The following GRID2 variants were observed in gnomAD, a reference collection of about 807,000 sequenced individuals.
GRID2 encodes glutamate receptor ionotropic, delta-2.
Under a neutral mutation model 114.8 loss-of-function variants are expected in GRID2, and 33 were observed. That is an observed-to-expected ratio of 0.29 (90% CI 0.22 to 0.38). The LOEUF is 0.38. Ranked by LOEUF, GRID2 falls within the 10% of genes least tolerant of loss-of-function variation. The probability of loss-of-function intolerance (pLI) is 1.00; values close to 1 mark genes in which losing one functional copy is unlikely to be tolerated. For missense variants in GRID2, 1,184 were observed against 1,257.7 expected, an observed-to-expected ratio of 0.94 and a Z score of 0.89; for synonymous variants, 505 against 449.9, an observed-to-expected ratio of 1.12 and a Z score of -1.55.
chr4:93,525,203 T>G (rs1730765267), intron 13 of GRID2, among the ~76,000 whole-genome samples: 3 of 152,046 alleles, frequency 2.0e-5, no homozygotes, highest in Non-Finnish European at 4.4e-5. Context: ...ATGAGGCTAC[T>G]TCAGATCAGT....
intron 2 of GRID2, among the ~76,000 whole-genome samples, chr4:92,827,758 G>A (rs183035759): frequency 1.3e-5 from 2 of 152,080 alleles, no homozygotes; most frequent in East Asian, 1.9e-4. Context: ...TGAAGAGATG[G>A]ATATAAGCAC....
chr4:92,633,991 C>G (rs1560501310), intron 2 of GRID2, among the ~76,000 whole-genome samples: 1 of 151,720 alleles, frequency 6.6e-6, no homozygotes, highest in Non-Finnish European at 1.5e-5. Context: ...CCTCTCTTCT[C>G]TCTGTTTTTA....
At chr4:92,885,161 A>T (rs1449634655) in intron 2 of GRID2, 1 of 258,846 alleles carries the variant, frequency 3.9e-6, no homozygotes, top group Admixed American at 5.1e-5. Context: ...CTAATACGAC[A>T]TCTTCAGTCC....
At chr4:93,073,358 A>C (rs2149307670) in intron 2 of GRID2, among the ~76,000 whole-genome samples, 1 of 152,274 alleles carries the variant, frequency 6.6e-6, no homozygotes, top group African/African-American at 2.4e-5. Context: ...CAGTACTGTA[A>C]ATGCATGTTC....
At chr4:92,929,622 A>T (rs949414727) in intron 2 of GRID2, among the ~76,000 whole-genome samples, 14 of 151,336 alleles carry the variant, frequency 9.3e-5, no homozygotes, top group African/African-American at 3.4e-4. Context: ...ACATTCATTT[A>T]TTTGATAAAG....
At chr4:93,323,404 A>G (rs529779745) in intron 8 of GRID2, among the ~76,000 whole-genome samples, 3 of 152,026 alleles carry the variant, frequency 2.0e-5, no homozygotes, top group South Asian at 2.1e-4. Context: ...CCATTGGTCT[A>G]TATCTCTGTT....
intron 13 of GRID2, among the ~76,000 whole-genome samples, chr4:93,527,015 T>C (rs1241125296): frequency 6.6e-6 from 1 of 152,164 alleles, no homozygotes; most frequent in African/African-American, 2.4e-5. Flanking sequence ...ATTATACATA[T>C]GTAAGTTTCA....
At chr4:92,636,259 C>T (rs1731059250) in intron 2 of GRID2, among the ~76,000 whole-genome samples, 1 of 151,880 alleles carries the variant, frequency 6.6e-6, no homozygotes, top group Admixed American at 6.6e-5. Flanking sequence ...GAGGACTCCT[C>T]TGTTCATTCC....
intron 13 of GRID2, among the ~76,000 whole-genome samples, chr4:93,592,371 G>A (rs976077571): frequency 6.6e-6 from 1 of 152,310 alleles, no homozygotes; most frequent in African/African-American, 2.4e-5. Context: ...GCGATTTTGA[G>A]TGAGATTCTT....
chr4:93,725,344 T>C (rs1256025807), intron 14 of GRID2, among the ~76,000 whole-genome samples: 3 of 152,348 alleles, frequency 2.0e-5, no homozygotes, highest in East Asian at 3.9e-4. Context: ...TAGTATTCCA[T>C]GGTGTATATG....
chr4:92,381,798 T>C (rs1729633078), intron 1 of GRID2, among the ~76,000 whole-genome samples: 1 of 152,070 alleles, frequency 6.6e-6, no homozygotes, highest in South Asian at 2.1e-4. Flanking sequence ...TAAAGATTCA[T>C]GTTCTCTTGT....
intron 2 of GRID2, among the ~76,000 whole-genome samples, chr4:92,757,889 C>T (rs149548243): frequency 8.3e-4 from 125 of 151,436 alleles, no homozygotes; most frequent in African/African-American, 2.8e-3. Flanking sequence ...GTAAGATACA[C>T]GTCAGTAGTA....
At chr4:92,536,083 A>T (rs62307821) in intron 1 of GRID2, among the ~76,000 whole-genome samples, 7 of 152,224 alleles carry the variant, frequency 4.6e-5, no homozygotes, top group East Asian at 1.9e-4. Context: ...AAGCCTCCAC[A>T]GCAAGGAAAG....
intron 13 of GRID2, among the ~76,000 whole-genome samples, chr4:93,617,829 G>T (rs1277941412): frequency 2.0e-5 from 3 of 152,136 alleles, no homozygotes; most frequent in Non-Finnish European, 4.4e-5. Context: ...ATTCATTATT[G>T]TGAACAGCAA....
intron 14 of GRID2, among the ~76,000 whole-genome samples, chr4:93,697,824 T>A (rs1727153470): frequency 7.3e-6 from 1 of 137,876 alleles, no homozygotes; most frequent in African/African-American, 2.7e-5. Flanking sequence ...ATATGTGAGA[T>A]AATGCATATG....
intron 2 of GRID2, among the ~76,000 whole-genome samples, chr4:92,775,631 G>A (rs1157205132): frequency 2.4e-4 from 36 of 152,056 alleles, no homozygotes. Context: ...TCTTATTTTT[G>A]CATCCCAACA....
intron 1 of GRID2, among the ~76,000 whole-genome samples, chr4:92,477,247 T>C (rs1722365998): frequency 6.6e-6 from 1 of 152,088 alleles, no homozygotes; most frequent in Admixed American, 6.6e-5. Context: ...AATGCAGCAC[T>C]TACTTTTCCA....
At chr4:93,061,744 T>C (rs1727827205) in intron 2 of GRID2, among the ~76,000 whole-genome samples, 1 of 152,134 alleles carries the variant, frequency 6.6e-6, no homozygotes, top group South Asian at 2.1e-4. Context: ...ACCAAAAGTA[T>C]CTTTTTCCAC....
At chr4:92,365,568 A>C (rs1444712692) in intron 1 of GRID2, among the ~76,000 whole-genome samples, 2 of 151,988 alleles carry the variant, frequency 1.3e-5, no homozygotes. Context: ...AAGAAGAATA[A>C]AATTTGAAAT....
Sources: gnomAD v4.1 joint callset for allele counts (sites outside exome capture counted in the v4.1 genomes callset) on GRCh38, gnomAD v4.1.1 for gene constraint, MANE v1.5 for transcripts, NCBI Gene and HGNC (gene_info 2026-07-23, HGNC 2026-07-21) for gene names.